Variants in ANXA2 observed in about 807,000 individuals in gnomAD.
The protein encoded by ANXA2 is annexin II.
In ANXA2, 28 loss-of-function variants were observed where a neutral mutation model predicts 47.3. The observed-to-expected ratio is 0.59, with a 90% CI of 0.44 to 0.81. The LOEUF (loss-of-function observed/expected upper bound fraction) is 0.81. ANXA2 is among the 40% of genes least tolerant of loss of function. The pLI is 0.00. For synonymous variants in ANXA2, 172 were observed against 155.5 expected, an observed-to-expected ratio of 1.11 and a Z score of -0.79; for missense variants, 384 against 414.3, an observed-to-expected ratio of 0.93 and a Z score of 0.64.
At chr15:60,357,332 G>C in intron 5 of ANXA2, 96 bp from the exon 6 acceptor site, 1 of 960,726 alleles carries the variant, frequency 1.0e-6, no homozygotes, top group East Asian at 2.5e-5. Flanking sequence ...AACATGGATT[G>C]GGTCTGTTAG....
chr15:60,374,360 T>C (rs2062749299), intron 3 of ANXA2: 1 of 431,774 alleles, frequency 2.3e-6, no homozygotes, highest in South Asian at 1.7e-5. Flanking sequence ...AAGCCCTGTA[T>C]TGTGCTCTGC....
intron 3 of ANXA2, among the ~76,000 whole-genome samples, chr15:60,379,541 C>G (rs1312916563): frequency 6.6e-6 from 1 of 152,162 alleles, no homozygotes; most frequent in Non-Finnish European, 1.5e-5. Context: ...CCTAAGAACA[C>G]AGGCCTAGGG....
intron 3 of ANXA2, among the ~76,000 whole-genome samples, chr15:60,376,124 T>C (rs998993355): frequency 1.3e-5 from 2 of 152,008 alleles, no homozygotes; most frequent in African/African-American, 4.8e-5. Context: ...ACACCCGTAA[T>C]CCCAGCACTT....
At position 60,364,486 on chromosome 15, in the gene ANXA2, G is replaced by A; in HGVS notation, c.186C>T (p.Asn62=). 2 of 1,613,278 alleles carry A rather than the reference G, an allele frequency of 1.2e-6. No homozygotes were observed. Among genetic ancestry groups the A allele is most frequent in the Non-Finnish European group, 1.7e-6 (2 of 1,179,800 alleles). The change falls in exon 4 of 13, where the codon AAC becomes AAT. Residue 62 remains asparagine, a synonymous_variant. Coordinates refer to ENST00000451270, the MANE Select transcript of ANXA2 (RefSeq NM_004039.3). The stretch of plus-strand genomic sequence containing the variant: ...TATCCTGTCTCTGTGCATTGCTGCG[G>A]TTGGTCAAAATGTTGACAATGGTGA... ...DEVTIVNILT[N]RSNAQRQDIA...
chr15:60,396,247 C>T (rs1163877828), intron 1 of ANXA2: 1 of 152,138 alleles, frequency 6.6e-6, no homozygotes, highest in African/African-American at 2.4e-5. Context: ...AACAAGACTC[C>T]TCTCGGTTGC....
At chr15:60,368,315 A>AAAAT (rs1335695190) in intron 3 of ANXA2, among the ~76,000 whole-genome samples, 1 of 117,362 alleles carries the variant, frequency 8.5e-6, no homozygotes, top group Non-Finnish European at 1.8e-5. Context: ...CAATAAAAAA[A>AAAAT]AAAAATAAAA....
chr15:60,351,634 C>A (rs969930540), intron 10 of ANXA2, 90 bp downstream of exon 10: 12 of 849,938 alleles, frequency 1.4e-5, no homozygotes, highest in Non-Finnish European at 2.4e-5. Flanking sequence ...AGCCACACCT[C>A]CCAAACACAT....
intron 1 of ANXA2, among the ~76,000 whole-genome samples, chr15:60,396,680 A>G (rs1200597788): frequency 2.0e-5 from 3 of 152,204 alleles, no homozygotes; most frequent in Admixed American, 6.5e-5. Flanking sequence ...CTTCTGCAAC[A>G]CTGTTTCAGT....
At chr15:60,397,819 GC>G in intron 1 of ANXA2, 123 bp downstream of exon 1, 3 of 1,350,874 alleles carry the variant, frequency 2.2e-6, no homozygotes, top group Non-Finnish European at 9.5e-7. Context: ...TCAGCCCCCT[GC>G]CCCCGACGGC....
intron 3 of ANXA2, among the ~76,000 whole-genome samples, chr15:60,370,726 A>T (rs2062699532): frequency 1.3e-5 from 2 of 152,230 alleles, no homozygotes; most frequent in African/African-American, 4.8e-5. Context: ...CCAGAGGCCC[A>T]GGAGATGGGG....
Position 60,357,140 on chromosome 15 carries a change from A to C in ANXA2, c.448+6T>G. The C allele has an allele frequency of 6.2e-7, 1 of 1,612,936 alleles. No homozygotes were observed. The highest frequency in any genetic ancestry group is 8.5e-7 in the Non-Finnish European group (1 of 1,179,264). On this transcript the variant is annotated splice_donor_region_variant and intron_variant, in intron 6 of 12. Coordinates refer to ENST00000451270, the MANE Select transcript of ANXA2 (RefSeq NM_004039.3). ...GAGGATGAATCACAGAAATCAAGCT[A>C]CTCACTTTCCTTGTAGACTCTGTTA... is the stretch of plus-strand genomic sequence containing the variant.
chr15:60,390,657 G>T (rs2062997267), intron 1 of ANXA2: 2 of 261,660 alleles, frequency 7.6e-6, no homozygotes, highest in Admixed American at 8.3e-5. Context: ...GATAACAAAA[G>T]AAAGGGCCAA....
chr15:60,357,069 A>G, intron 6 of ANXA2, 77 bp downstream of exon 6: 1 of 1,365,320 alleles, frequency 7.3e-7, no homozygotes, highest in African/African-American at 1.4e-5. Flanking sequence ...TCTTAGCCCG[A>G]ACCCTAACCC....
chr15:60,366,401 G>A (rs1426484437), intron 3 of ANXA2, among the ~76,000 whole-genome samples: 1 of 150,390 alleles, frequency 6.6e-6, no homozygotes, highest in African/African-American at 2.5e-5. Flanking sequence ...AGGAAGTGAG[G>A]AGCATCTCTG....
rs377255137 is a variant in ANXA2 at position 60,361,027 on chromosome 15, A to T, written c.271T>A (p.Leu91Ile). ...KELASALKSALSGHLETVILG... is the reference protein window; with the variant it reads ...KELASALKSAISGHLETVILG... ...ATCACCGTCTCCAGGTGGCCAGATA[A>T]GGCTGACTTCAGTGCTGATGCAAGT... Residue 91 changes from leucine to isoleucine, a missense_variant, in exon 5 of 13, where the codon TTA (leucine) becomes ATA (isoleucine). By Grantham distance (5) the Leu-to-Ile change is conservative. Coordinates refer to ENST00000451270, the MANE Select transcript of ANXA2 (RefSeq NM_004039.3). The T allele has an allele frequency of 4.5e-5, 72 of 1,613,126 alleles. No individual in the cohort carries two copies. The highest frequency in any genetic ancestry group is 5.8e-5 in the Non-Finnish European group (68 of 1,179,130).
At chr15:60,357,500 G>C (rs1174235083) in intron 5 of ANXA2, among the ~76,000 whole-genome samples, 1 of 151,824 alleles carries the variant, frequency 6.6e-6, no homozygotes, top group African/African-American at 2.4e-5. Flanking sequence ...TTTTTTTTAA[G>C]TAGTGAATAG....
intron 1 of ANXA2, among the ~76,000 whole-genome samples, chr15:60,394,162 C>T (rs749641034): frequency 6.6e-6 from 1 of 152,170 alleles, no homozygotes; most frequent in Non-Finnish European, 1.5e-5. Flanking sequence ...CACATGGGAA[C>T]GTAACCTACA....
chr15:60,351,084 C>T, intron 11 of ANXA2, 109 bp downstream of exon 11: 1 of 1,117,500 alleles, frequency 8.9e-7, no homozygotes, highest in Non-Finnish European at 1.3e-6. Flanking sequence ...CCTGCATCCA[C>T]ACAGTGGGGT....
intron 1 of ANXA2, among the ~76,000 whole-genome samples, chr15:60,391,897 GA>G (rs10552250): frequency 2.0e-4 from 29 of 148,276 alleles, no homozygotes; most frequent in African/African-American, 3.5e-4. Flanking sequence ...TCTCCAACAA[GA>G]AAAAAAAAAA....
Sources: gnomAD v4.1 joint callset for allele counts (sites outside exome capture counted in the v4.1 genomes callset) on GRCh38, gnomAD v4.1.1 for gene constraint, MANE v1.5 for transcripts, NCBI Gene and HGNC (gene_info 2026-07-23, HGNC 2026-07-21) for gene names.